DAPK2: variants seen among roughly 807,000 people sequenced by gnomAD.
DAPK2 encodes death-associated protein kinase 2.
In DAPK2, 35 loss-of-function variants were observed where a neutral mutation model predicts 44.1. The ratio of observed to expected loss-of-function variants is 0.79; its 90% CI spans 0.61 to 1.05. The LOEUF is 1.05. Among genes scored for constraint, DAPK2 ranks in the 50% least tolerant of loss-of-function variants. The pLI, the probability that DAPK2 is intolerant of heterozygous loss-of-function variation, is 0.00. For missense variants in DAPK2, 453 were observed against 483.2 expected, an observed-to-expected ratio of 0.94 and a Z score of 0.59; for synonymous variants, 174 against 182.6, an observed-to-expected ratio of 0.95 and a Z score of 0.38.
chr15:63,944,761 T>TATC (rs541813018), intron 3 of DAPK2, among the ~76,000 whole-genome samples: 182 of 152,304 alleles, frequency 1.2e-3, no homozygotes, highest in African/African-American at 3.9e-3. Context: ...TCTGGTTAAA[T>TATC]ATCTTCAGTG....
intron 5 of DAPK2, chr15:63,929,980 C>T (rs1409996603): frequency 6.8e-6 from 3 of 439,278 alleles, no homozygotes; most frequent in Admixed American, 3.2e-5. Context: ...CCAAATGAAA[C>T]GAGTCCCATC....
intron 4 of DAPK2, among the ~76,000 whole-genome samples, chr15:63,937,434 T>A (rs2077191938): frequency 6.6e-6 from 1 of 152,204 alleles, no homozygotes; most frequent in Non-Finnish European, 1.5e-5. Flanking sequence ...AATAACCCAC[T>A]CACACTAACA....
chr15:63,969,383 G>A (rs1311405582), intron 3 of DAPK2, among the ~76,000 whole-genome samples: 1 of 152,036 alleles, frequency 6.6e-6, no homozygotes, highest in Admixed American at 6.5e-5. Context: ...TCACGCCACT[G>A]CACTCCAGCC....
rs542566757 is a variant in DAPK2 at position 64,017,671 on chromosome 15, T to C, written c.92+22499A>G. Among the ~76,000 whole-genome samples, 4 of 152,322 alleles carry C rather than the reference T, an allele frequency of 2.6e-5. No individual in the cohort carries two copies. The South Asian group carries it at 8.3e-4, about 32-fold the overall frequency. On this transcript the variant is annotated intron_variant, in intron 1 of 10. Transcript: ENST00000261891. Reference sequence around the variant, plus strand: ...CTCCAAGCCTCGGTTTTCTCTTTTGTAAAAAATAGTCAATTATCCCTGCCT... The same window carrying C: ...CTCCAAGCCTCGGTTTTCTCTTTTGCAAAAAATAGTCAATTATCCCTGCCT...
chr15:63,958,205 T>G (rs1354873040), intron 3 of DAPK2, among the ~76,000 whole-genome samples: 3 of 152,148 alleles, frequency 2.0e-5, no homozygotes, highest in Non-Finnish European at 4.4e-5. Context: ...TGGAGTTGTT[T>G]TTTTTTCTTG....
At chr15:63,972,677 G>A (rs1312998488) in intron 2 of DAPK2, among the ~76,000 whole-genome samples, 1 of 152,188 alleles carries the variant, frequency 6.6e-6, no homozygotes, top group African/African-American at 2.4e-5. Flanking sequence ...AGATTTCTAA[G>A]CAAAGTGTTG....
rs117131247 is a variant in DAPK2, at chr15:63,941,414, C to T, written c.454-2053G>A. Among the ~76,000 whole-genome samples, 282 of 152,326 alleles carry T rather than the reference C, an allele frequency of 1.9e-3. 6 individuals are homozygous for T. The East Asian group carries it at 0.045, about 24-fold the overall frequency. Reference sequence around the variant, plus strand: ...CTCCCCTACCAGAGCTGTCCTCAGCCGGAAGGAGGACTCAGATCTTTGCAT... The same window carrying T: ...CTCCCCTACCAGAGCTGTCCTCAGCTGGAAGGAGGACTCAGATCTTTGCAT... On this transcript the variant is annotated intron_variant, in intron 3 of 10. Coordinates refer to ENST00000261891, the Ensembl canonical transcript of DAPK2.
chr15:63,929,711 C>T (rs565372099), intron 5 of DAPK2, 134 bp from the exon 7 acceptor site: 3 of 994,010 alleles, frequency 3.0e-6, no homozygotes, highest in East Asian at 2.5e-5. Flanking sequence ...TCTCATGCTC[C>T]ACACCCATCT....
At chr15:64,004,024 AG>A (rs2079164490) in intron 1 of DAPK2, among the ~76,000 whole-genome samples, 1 of 152,170 alleles carries the variant, frequency 6.6e-6, no homozygotes, top group Non-Finnish European at 1.5e-5. Flanking sequence ...TCAAAACCCA[AG>A]GAAGGTCACA....
At chr15:63,975,130 T>C (rs2078309302) in intron 2 of DAPK2, among the ~76,000 whole-genome samples, 1 of 152,108 alleles carries the variant, frequency 6.6e-6, no homozygotes, top group Non-Finnish European at 1.5e-5. Flanking sequence ...GAAGCTGGGG[T>C]ATCCAGCCAG....
At chr15:63,919,722 G>A (rs1470570258) in intron 8 of DAPK2, 1 of 152,234 alleles carries the variant, frequency 6.6e-6, no homozygotes, top group Non-Finnish European at 1.5e-5. Flanking sequence ...CTGACCTCAA[G>A]TGATCCACCC....
chr15:64,043,615 T>G (rs940057403), upstream of DAPK2, among the ~76,000 whole-genome samples: 5 of 152,088 alleles, frequency 3.3e-5, no homozygotes, highest in African/African-American at 1.2e-4. Flanking sequence ...GAAGGGGAGC[T>G]TCGGAGGCTT....
At chr15:64,011,475 C>A (rs537681593) in intron 1 of DAPK2, among the ~76,000 whole-genome samples, 1 of 152,134 alleles carries the variant, frequency 6.6e-6, no homozygotes, top group African/African-American at 2.4e-5. Context: ...GCAGGAGAAT[C>A]GCTTAAACCC....
At chr15:63,907,283 C>T (rs973207252) in exon 11 of DAPK2, 1 of 152,094 alleles carries the variant, frequency 6.6e-6, no homozygotes, top group Non-Finnish European at 1.5e-5. Context: ...TTCTAAAGAC[C>T]CCATCTCCAA....
chr15:63,984,021 G>T (rs2078605535), intron 1 of DAPK2, among the ~76,000 whole-genome samples: 2 of 152,282 alleles, frequency 1.3e-5, no homozygotes, highest in Admixed American at 6.5e-5. Context: ...GCCCAGAAAG[G>T]TTATTGATCA....
chr15:63,971,885 CA>C (rs2078224143), intron 2 of DAPK2, among the ~76,000 whole-genome samples: 1 of 152,188 alleles, frequency 6.6e-6, no homozygotes, highest in African/African-American at 2.4e-5. Context: ...TGGCAGGGGA[CA>C]AAAACAAGCA....
intron 8 of DAPK2, among the ~76,000 whole-genome samples, chr15:63,913,064 C>T (rs1362831310): frequency 6.6e-6 from 1 of 151,904 alleles, no homozygotes; most frequent in Non-Finnish European, 1.5e-5. Context: ...CACGGATGAA[C>T]CTTAAAAACA....
intron 1 of DAPK2, chr15:63,991,460 T>C (rs533658368): frequency 2.0e-5 from 8 of 392,352 alleles, no homozygotes; most frequent in Admixed American, 1.8e-4. Context: ...TTGTTGCTAC[T>C]GTCTTTCTAG....
At chr15:63,936,048 T>G (rs1458339886) in intron 4 of DAPK2, 1 of 152,250 alleles carries the variant, frequency 6.6e-6, no homozygotes, top group African/African-American at 2.4e-5. Context: ...TCTATGTATA[T>G]AAAATGTACT....
Sources: gnomAD v4.1 joint callset for allele counts (sites outside exome capture counted in the v4.1 genomes callset) on GRCh38, gnomAD v4.1.1 for gene constraint, MANE v1.5 for transcripts, NCBI Gene and HGNC (gene_info 2026-07-23, HGNC 2026-07-21) for gene names.